WNK2: variants seen among roughly 807,000 people sequenced by gnomAD.
WNK2 encodes the protein serine/threonine-protein kinase WNK2.
Under a neutral mutation model 192.1 loss-of-function variants are expected in WNK2, and 67 were observed. The ratio of observed to expected loss-of-function variants is 0.35; its 90% CI spans 0.29 to 0.43. WNK2 has a LOEUF of 0.43. WNK2 is among the 20% of genes least tolerant of loss of function. The pLI is 1.00. For synonymous variants in WNK2, 1,439 were observed against 1,393.9 expected (o/e 1.03, Z -0.72); for missense variants, 2,698 against 3,089.7 (o/e 0.87, Z 3.01).
chr9:93,185,243 C>A lies in WNK2; in HGVS notation c.314C>A (p.Pro105Gln). 8.2e-7 allele frequency: 1 copy of A among 1,226,614 alleles called. No individual in the cohort carries two copies. Among genetic ancestry groups the A allele is most frequent in the Non-Finnish European group, 1.0e-6 (1 of 986,544 alleles). 76.0% of individuals were successfully genotyped at this position (1,226,614 alleles called of 1,614,324 possible). Residue 105 changes from proline (P) to glutamine (Q), a missense_variant, in exon 2 of 30, where the codon CCG becomes CAG. Coordinates refer to ENST00000427277, the MANE Select transcript of WNK2 (RefSeq NM_006648.4). ...GCGCCCGCAGCGCTGGTAGCGCAGC[C>A]GGGAGCCCCCGGAGCCCCCGCGGAC... is the stretch of plus-strand genomic sequence containing the variant. Reference protein sequence around the residue: ...APAPAALVAQPGAPGAPADAG... With the variant: ...APAPAALVAQQGAPGAPADAG...
intron 10 of WNK2, 111 bp downstream of exon 10, chr9:93,256,565 C>G: frequency 1.5e-6 from 2 of 1,301,550 alleles, no homozygotes; most frequent in Non-Finnish European, 2.0e-6. Context: ...CTCAAATTCT[C>G]TGTGGTTCCC....
At position 93,217,081 on chromosome 9, in the gene WNK2, C is replaced by G. The variant is rs572656252; in HGVS notation, c.682-12615C>G. Reference sequence around the variant, plus strand: ...TCAAGCGATTGTCCTGCCTCAGCCTCCCAAGTAGCTGAGACTACAGACGTG... The same window carrying G: ...TCAAGCGATTGTCCTGCCTCAGCCTGCCAAGTAGCTGAGACTACAGACGTG... On this transcript the variant is annotated intron_variant, in intron 2 of 29. Coordinates refer to ENST00000427277, the MANE Select transcript of WNK2 (RefSeq NM_006648.4). 5.8e-4 allele frequency among the ~76,000 whole-genome samples: 88 copies of G among 152,112 alleles called. 1 individual carries two copies. Among genetic ancestry groups the G allele is most frequent in the Non-Finnish European group, 6.9e-4 (47 of 67,988 alleles).
intron 14 of WNK2, 50 bp from the exon 15 acceptor site, chr9:93,263,516 G>A (rs758823446): frequency 6.3e-6 from 10 of 1,595,536 alleles, no homozygotes; most frequent in Non-Finnish European, 6.8e-6. Context: ...CGCCATTGCC[G>A]ACGTGCTGGT....
chr9:93,203,549 G>A (rs1832856684), intron 2 of WNK2, among the ~76,000 whole-genome samples: 4 of 152,202 alleles, frequency 2.6e-5, no homozygotes, highest in Non-Finnish European at 5.9e-5. Flanking sequence ...GGTCGTTGAA[G>A]GCCTAGTCCC....
chr9:93,201,458 A>G (rs1277377045), intron 2 of WNK2, among the ~76,000 whole-genome samples: 1 of 152,224 alleles, frequency 6.6e-6, no homozygotes. Context: ...TGGAGAACAC[A>G]TGCCTGGCCA....
At position 93,231,115 on chromosome 9, in the gene WNK2, C is replaced by G. The variant is rs753847254; in HGVS notation, c.1075+7C>G. 6.2e-7 allele frequency: 1 copy of G among 1,613,320 alleles called. No homozygotes were observed. Among genetic ancestry groups the G allele is most frequent in the Non-Finnish European group, 8.5e-7 (1 of 1,179,250 alleles). ...TTTGCCAAAAGTGTGATAGGTAAACCTGCTTCTCCTCCCCAGGCCCTTGGA... is the reference window on the plus strand; with the variant it reads ...TTTGCCAAAAGTGTGATAGGTAAACGTGCTTCTCCTCCCCAGGCCCTTGGA... On this transcript the variant is annotated splice_region_variant and intron_variant, in intron 4 of 29. Transcript: ENST00000427277.
chr9:93,257,357 C>T lies in WNK2; in HGVS notation c.2382+218C>T, dbSNP rs551356638. Among the ~76,000 whole-genome samples the T allele has an allele frequency of 3.9e-5, 6 of 152,288 alleles. No homozygotes were observed. In the South Asian group the frequency reaches 1.2e-3, roughly 32 times the overall value. On this transcript the variant is annotated intron_variant, in intron 11 of 29. Coordinates refer to ENST00000427277, the MANE Select transcript of WNK2 (RefSeq NM_006648.4). This position sits in a 1 kb window ranked among gnomAD's most constrained non-coding sequence, Gnocchi z 4.7. ...CTCCAGGGTCCCACACAACCAGCCA[C>T]TTGTCCCTTGGTGGCTGGCTTGGCT...
Position 93,289,068 on chromosome 9 carries a change from G to A in WNK2, c.4314G>A (p.Glu1438=), listed in dbSNP as rs1246511837. The change falls in exon 20 of 30, where the codon GAG becomes GAA. Residue 1438 remains glutamate (E), a synonymous_variant. Transcript: ENST00000427277. ...SELETSQPLA[E]THEAPLAVQP... is the part of the protein sequence containing the mutation. ...TCGAGACGTCTCAGCCACTAGCGGA[G>A]ACTCACGAGGCCCCGCTTGCTGTGC... 6.2e-7 allele frequency: 1 copy of A among 1,607,412 alleles called. No homozygotes were observed. The highest frequency in any genetic ancestry group is 1.7e-5 in the Admixed American group (1 of 59,414).
chr9:93,314,431 AG>A lies in WNK2; in HGVS notation c.6517-3088del, dbSNP rs543625328. ...CCACTGCACTCCAGCCTGGCGACAG[AG>A]CAAGACCCTGTCTGAAAAAAAAAAA... is the stretch of plus-strand genomic sequence containing the variant. On this transcript the variant is annotated intron_variant, in intron 28 of 29. Transcript: ENST00000427277. Among the ~76,000 whole-genome samples, 817 of 148,520 alleles carry A rather than the reference AG, an allele frequency of 5.5e-3. 5 individuals carry two copies. Among genetic ancestry groups the A allele is most frequent in the African/African-American group, 0.018 (735 of 40,402 alleles).
chr9:93,292,111 T>C (rs1849452409), intron 21 of WNK2, among the ~76,000 whole-genome samples, 197 bp from the exon 22 acceptor site: 2 of 152,172 alleles, frequency 1.3e-5, no homozygotes, highest in Admixed American at 1.3e-4. Flanking sequence ...TCATGGAGTA[T>C]TTTTAGTTTC....
At position 93,246,827 on chromosome 9, in the gene WNK2, T is replaced by C. The variant is rs1428712824; in HGVS notation, c.1543-716T>C. Among the ~76,000 whole-genome samples the C allele has an allele frequency of 2.0e-5, 3 of 152,222 alleles. No homozygotes were observed. In the East Asian group the frequency reaches 5.8e-4, roughly 29 times the overall value. On this transcript the variant is annotated intron_variant, in intron 7 of 29. Coordinates refer to ENST00000427277, the MANE Select transcript of WNK2 (RefSeq NM_006648.4). Reference sequence around the variant, plus strand: ...AGGGGAAGTGCGGGTGGATCTGGAATCTTTGTTCTCCCATGTTTTCATGTG... The same window carrying C: ...AGGGGAAGTGCGGGTGGATCTGGAACCTTTGTTCTCCCATGTTTTCATGTG...
chr9:93,280,559 TAGC>T (rs1380596135), intron 19 of WNK2, among the ~76,000 whole-genome samples: 11 of 152,232 alleles, frequency 7.2e-5, no homozygotes, highest in African/African-American at 2.4e-4. Flanking sequence ...GGAATGTTCA[TAGC>T]AGCGTTATTG....
chr9:93,299,006 A>G, intron 24 of WNK2, 64 bp from the exon 25 acceptor site: 1 of 1,510,920 alleles, frequency 6.6e-7, no homozygotes, highest in South Asian at 1.3e-5. Flanking sequence ...GAACAGACTC[A>G]ATCCACACGG....
At chr9:93,312,611 C>G (rs1326142117) in intron 28 of WNK2, among the ~76,000 whole-genome samples, 1 of 152,156 alleles carries the variant, frequency 6.6e-6, no homozygotes, top group Non-Finnish European at 1.5e-5. Context: ...ATCCCTTGAC[C>G]TCATGATCCG....
rs1032930335 is a variant in WNK2, at chr9:93,261,799, C to T, written c.3067-15C>T. 6 of 1,578,366 alleles carry T rather than the reference C, an allele frequency of 3.8e-6. No homozygotes were observed. In the Admixed American group the frequency reaches 6.7e-5, roughly 18 times the overall value. On this transcript the variant is annotated splice_polypyrimidine_tract_variant and intron_variant, in intron 12 of 29. Coordinates refer to ENST00000427277, the MANE Select transcript of WNK2 (RefSeq NM_006648.4). ...GCGCCGGCCCTGACTTGCACCTTGT[C>T]CCCTGTGCCCCCAGATTCTGCTTGG... is the stretch of plus-strand genomic sequence containing the variant.
chr9:93,215,370 A>G (rs954559401), intron 2 of WNK2, among the ~76,000 whole-genome samples: 2 of 152,166 alleles, frequency 1.3e-5, no homozygotes, highest in African/African-American at 4.8e-5. Flanking sequence ...TCGGCCTCCC[A>G]TAGTGCTGGG....
At chr9:93,298,987 A>G (rs1111776) in intron 24 of WNK2, 83 bp from the exon 25 acceptor site, 1,332,389 of 1,411,272 alleles carry the variant, frequency 0.94, 629,868 homozygotes, top group East Asian at 1. Context: ...ACCCAGCAAT[A>G]AGCAGGCAGA....
intron 2 of WNK2, among the ~76,000 whole-genome samples, chr9:93,228,856 C>T (rs1405887754): frequency 4.6e-5 from 7 of 151,852 alleles, no homozygotes; most frequent in South Asian, 4.2e-4. Context: ...GAGAGCGTGG[C>T]GAGGGATGGG....
At position 93,317,626 on chromosome 9, in the gene WNK2, C is replaced by A; in HGVS notation, c.6623C>A (p.Thr2208Lys). ...GCCGCCCCGACCCTGTCCGTGCCCA[C>A]ACCAGGTACTGCCCTCTCCAACCTC... Reference protein sequence around the residue: ...PGAAPTLSVPTPDPESEKPD With the variant: ...PGAAPTLSVPKPDPESEKPD Residue 2208 changes from threonine to lysine, a missense_variant, in exon 29 of 30, where the codon ACA (threonine) becomes AAA (lysine). Transcript: ENST00000427277. 6.2e-7 allele frequency: 1 copy of A among 1,612,918 alleles called. No individual in the cohort carries two copies. Among genetic ancestry groups the A allele is most frequent in the African/African-American group, 1.3e-5 (1 of 75,056 alleles).
Sources: allele counts gnomAD v4.1 joint callset (sites outside exome capture counted in the v4.1 genomes callset), GRCh38; gene constraint gnomAD v4.1.1; non-coding constraint Gnocchi (gnomAD v3.1); transcripts MANE v1.5; gene names NCBI Gene and HGNC (gene_info 2026-07-23, HGNC 2026-07-21).